Variants in TNKS observed in about 807,000 individuals in gnomAD.
The protein encoded by TNKS is poly [ADP-ribose] polymerase tankyrase-1.
In TNKS, 72 loss-of-function variants were observed where a neutral mutation model predicts 135.8. That is an observed-to-expected ratio of 0.53 (90% CI 0.44 to 0.64). The LOEUF is 0.64. TNKS is among the 30% of genes least tolerant of loss of function. The pLI is 0.00. For synonymous variants in TNKS, 849 were observed against 649.3 expected, an observed-to-expected ratio of 1.31 and a Z score of -4.68; for missense variants, 1,769 against 1,674.0, an observed-to-expected ratio of 1.06 and a Z score of -0.99.
intron 3 of TNKS, among the ~76,000 whole-genome samples, chr8:9,629,752 G>A (rs1394238467): frequency 2.0e-5 from 3 of 152,138 alleles, no homozygotes; most frequent in Non-Finnish European, 1.5e-5. Flanking sequence ...GTGTCATCTC[G>A]GCTCACTGCA....
intron 18 of TNKS, among the ~76,000 whole-genome samples, chr8:9,750,890 G>T (rs1207440276): frequency 6.6e-6 from 1 of 152,190 alleles, no homozygotes; most frequent in Non-Finnish European, 1.5e-5. Context: ...CCCTGCATAG[G>T]ATCTCACCAC....
chr8:9,644,770 GT>G (rs1052502309), intron 3 of TNKS, among the ~76,000 whole-genome samples: 1 of 151,816 alleles, frequency 6.6e-6, no homozygotes, highest in East Asian at 1.9e-4. Context: ...TTTGACCTTG[GT>G]TTTTTTTACT....
intron 20 of TNKS, among the ~76,000 whole-genome samples, chr8:9,755,401 G>A (rs77185681): frequency 0.012 from 1,830 of 152,114 alleles, 34 homozygotes; most frequent in African/African-American, 0.04. Context: ...ATACATAGAC[G>A]ATTGCATTTA....
At position 9,751,760 on chromosome 8, in the gene TNKS, T is replaced by C; in HGVS notation, c.2984T>C (p.Leu995Pro). The change falls in exon 19 of 27, where the codon CTC becomes CCC. Residue 995 changes from leucine to proline, a missense_variant. Leu to Pro is a moderately conservative substitution (Grantham distance 98, BLOSUM62 -3). Coordinates refer to ENST00000310430, the MANE Select transcript of TNKS (RefSeq NM_003747.3). ...CLSAASSIDN[L>P]TGPLAELAVG... ...TCGGCTGCCAGCAGCATAGACAACC[T>C]CACTGGCCCTTTAGCAGAGTTGGCC... The C allele has an allele frequency of 6.2e-7, 1 of 1,614,100 alleles. No homozygotes were observed. Among genetic ancestry groups the C allele is most frequent in the Non-Finnish European group, 8.5e-7 (1 of 1,180,010 alleles).
chr8:9,677,798 C>T (rs1410735590), intron 3 of TNKS, among the ~76,000 whole-genome samples: 2 of 152,126 alleles, frequency 1.3e-5, no homozygotes, highest in Admixed American at 6.5e-5. Context: ...TTCTCTGTCT[C>T]GTCCATACCC....
rs1001332073 is a variant in TNKS at position 9,622,294 on chromosome 8, C to A, written c.994+6617C>A. The stretch of plus-strand genomic sequence containing the variant: ...AGCAGCAGGTATTTGTTTCATAGTT[C>A]ATACTGAATGTTTAGATTCTTGCAG... On this transcript the variant is annotated intron_variant, in intron 3 of 26. Coordinates refer to ENST00000310430, the MANE Select transcript of TNKS (RefSeq NM_003747.3). Among the ~76,000 whole-genome samples, 12 of 152,226 alleles carry A rather than the reference C, an allele frequency of 7.9e-5. No individual in the cohort carries two copies. In the East Asian group the frequency reaches 2.3e-3, roughly 29 times the overall value.
chr8:9,693,179 A>T (rs965757412), intron 5 of TNKS, among the ~76,000 whole-genome samples: 3 of 152,248 alleles, frequency 2.0e-5, no homozygotes, highest in Admixed American at 6.5e-5. Context: ...AAGACAGAGC[A>T]AAAGTAGAAC....
At chr8:9,690,359 C>T (rs1803207827) in intron 5 of TNKS, among the ~76,000 whole-genome samples, 1 of 152,142 alleles carries the variant, frequency 6.6e-6, no homozygotes, top group Admixed American at 6.5e-5. Context: ...CAGAGATTAC[C>T]CTATGGATTT....
At chr8:9,561,100 A>T (rs1037708233) in intron 1 of TNKS, among the ~76,000 whole-genome samples, 1 of 152,230 alleles carries the variant, frequency 6.6e-6, no homozygotes, top group African/African-American at 2.4e-5. Flanking sequence ...GTATTCCTAC[A>T]TATATGTTCT....
intron 3 of TNKS, among the ~76,000 whole-genome samples, chr8:9,654,876 C>T (rs1020745801): frequency 3.3e-5 from 5 of 152,210 alleles, no homozygotes; most frequent in Admixed American, 1.3e-4. Context: ...ATTCATCTCA[C>T]TGGGGAGTGC....
Position 9,733,220 on chromosome 8 carries a change from A to G in TNKS, c.2148-59A>G, listed in dbSNP as rs1450312443. ...GAAGAATGGTAGGATTTTTATTATA[A>G]GAATCATTGTAACTCAAAGGTTTGT... On this transcript the variant is annotated intron_variant, in intron 14 of 26. Coordinates refer to ENST00000310430, the MANE Select transcript of TNKS (RefSeq NM_003747.3). The G allele has an allele frequency of 6.1e-6, 9 of 1,478,204 alleles. No homozygotes were observed. In the South Asian group the frequency reaches 1.1e-4, roughly 19 times the overall value. The allele number at this position is 1,478,204 out of a possible 1,614,324, so 91.6% of individuals were successfully genotyped here.
At chr8:9,608,605 C>T (rs1799326709) in intron 2 of TNKS, among the ~76,000 whole-genome samples, 1 of 152,122 alleles carries the variant, frequency 6.6e-6, no homozygotes, top group South Asian at 2.1e-4. Context: ...ACAGCCCAGC[C>T]CAGCCATGTG....
chr8:9,766,483 CTTTTTTTTTT>C (rs61212620), intron 25 of TNKS, 58 bp downstream of exon 25: 8 of 890,750 alleles, frequency 9.0e-6, no homozygotes, highest in Admixed American at 4.5e-5. Flanking sequence ...ACCAAATTGT[CTTTTTTTTTT>C]TTTTTTTTTT....
chr8:9,751,569 A>T, intron 18 of TNKS, 40 bp from the exon 19 acceptor site: 1 of 1,559,768 alleles, frequency 6.4e-7, no homozygotes, highest in Non-Finnish European at 8.8e-7. Context: ...ATTTTAATAT[A>T]TAGTATTTTC....
At chr8:9,624,441 G>A (rs970385539) in intron 3 of TNKS, among the ~76,000 whole-genome samples, 1 of 152,106 alleles carries the variant, frequency 6.6e-6, no homozygotes, top group African/African-American at 2.4e-5. Context: ...TGACATAATT[G>A]TAAGTTCCCA....
chr8:9,718,946 A>T (rs1174262418), intron 11 of TNKS, among the ~76,000 whole-genome samples: 1 of 152,210 alleles, frequency 6.6e-6, no homozygotes, highest in East Asian at 1.9e-4. Flanking sequence ...AGAATAAGTT[A>T]GTATGTTTCT....
intron 25 of TNKS, among the ~76,000 whole-genome samples, chr8:9,769,247 G>A (rs922714994): frequency 3.9e-5 from 6 of 152,190 alleles, no homozygotes; most frequent in Non-Finnish European, 5.9e-5. Flanking sequence ...ATTGCAGGCT[G>A]GATTGAGCCA....
intron 5 of TNKS, among the ~76,000 whole-genome samples, chr8:9,690,955 C>T (rs994875608): frequency 6.6e-6 from 1 of 152,156 alleles, no homozygotes; most frequent in Non-Finnish European, 1.5e-5. Flanking sequence ...CCTCCCAATG[C>T]AGTGTTAGAA....
chr8:9,764,865 A>C (rs1165358757), intron 23 of TNKS, 75 bp downstream of exon 23: 13 of 1,186,800 alleles, frequency 1.1e-5, no homozygotes, highest in Non-Finnish European at 1.5e-5. Flanking sequence ...CAATGAAAAA[A>C]GTTTATTAAG....
Sources: gnomAD v4.1 joint callset for allele counts (sites outside exome capture counted in the v4.1 genomes callset) on GRCh38, gnomAD v4.1.1 for gene constraint, MANE v1.5 for transcripts, NCBI Gene and HGNC (gene_info 2026-07-23, HGNC 2026-07-21) for gene names.